Variants in PCSK5 observed in about 807,000 individuals in gnomAD.
PCSK5 encodes the protein proprotein convertase subtilisin/kexin type 5, also known as prohormone convertase 5.
A neutral mutation model predicts 233.2 loss-of-function variants in PCSK5; 129 were observed. The ratio of observed to expected loss-of-function variants is 0.55; its 90% confidence interval spans 0.48 to 0.64. The LOEUF is 0.64. Among genes scored for constraint, PCSK5 ranks in the 30% least tolerant of loss-of-function variants. The probability of loss-of-function intolerance (pLI) is 0.00; values close to 1 mark genes in which losing one functional copy is unlikely to be tolerated. For synonymous variants in PCSK5, 825 were observed against 879.2 expected (o/e 0.94, Z 1.09); for missense variants, 2,076 against 2,430.1 (o/e 0.85, Z 3.06).
intron 2 of PCSK5, among the ~76,000 whole-genome samples, chr9:75,933,458 C>T (rs768600025): frequency 6.6e-6 from 1 of 152,094 alleles, no homozygotes; most frequent in Non-Finnish European, 1.5e-5. Context: ...ATAGATAAGC[C>T]CCTACCAGTG....
chr9:76,134,927 CAA>C (rs1254496737), intron 10 of PCSK5, among the ~76,000 whole-genome samples: 1 of 151,958 alleles, frequency 6.6e-6, no homozygotes, highest in Middle Eastern at 3.2e-3. Flanking sequence ...TATATCTACT[CAA>C]GTTGTAAGTG....
At chr9:76,088,990 A>G (rs762061434) in intron 7 of PCSK5, among the ~76,000 whole-genome samples, 11 of 149,220 alleles carry the variant, frequency 7.4e-5, no homozygotes, top group Non-Finnish European at 1.3e-4. Flanking sequence ...ATTTCTTTCA[A>G]TGAACGCTGT....
chr9:76,108,159 C>T (rs376608592), intron 9 of PCSK5, among the ~76,000 whole-genome samples: 14 of 152,190 alleles, frequency 9.2e-5, no homozygotes, highest in South Asian at 2.1e-4. Flanking sequence ...GCTCAGACCC[C>T]GCTGGAGATT....
At chr9:76,318,525 A>C (rs1004143556) in intron 30 of PCSK5, among the ~76,000 whole-genome samples, 1 of 152,172 alleles carries the variant, frequency 6.6e-6, no homozygotes, top group Non-Finnish European at 1.5e-5. Flanking sequence ...CATCTCCCAA[A>C]TATATTTGAG....
At chr9:76,178,635 T>C (rs1338424288) in intron 14 of PCSK5, among the ~76,000 whole-genome samples, 1 of 152,214 alleles carries the variant, frequency 6.6e-6, no homozygotes, top group Non-Finnish European at 1.5e-5. Context: ...TAACAGTAAG[T>C]CCTTTGGGTT....
chr9:76,193,419 A>AAAAG (rs397785743), intron 20 of PCSK5: 1 of 1,153,758 alleles, frequency 8.7e-7, no homozygotes, highest in Non-Finnish European at 1.1e-6. Flanking sequence ...AAAAGAAAAA[A>AAAAG]GCCAAAAAGA....
chr9:76,194,609 T>A (rs974807518), intron 20 of PCSK5: 1 of 343,030 alleles, frequency 2.9e-6, no homozygotes, highest in East Asian at 8.2e-5. Context: ...TGGGGTTTTT[T>A]TTTTTTAAGA....
At chr9:75,958,380 C>T (rs1016984358) in intron 2 of PCSK5, among the ~76,000 whole-genome samples, 2 of 152,126 alleles carry the variant, frequency 1.3e-5, no homozygotes, top group South Asian at 2.1e-4. Flanking sequence ...GAGAATGAAA[C>T]GAGTTTATTA....
intron 8 of PCSK5, among the ~76,000 whole-genome samples, chr9:76,105,123 G>C (rs1831924487): frequency 6.6e-6 from 1 of 152,234 alleles, no homozygotes; most frequent in Non-Finnish European, 1.5e-5. Flanking sequence ...CAATAGCTGA[G>C]AGGTAGAAGC....
chr9:76,323,155 T>C lies in PCSK5; in HGVS notation c.4206T>C (p.Cys1402=), dbSNP rs1270313128. Residue 1402 remains cysteine (C), a synonymous_variant, in exon 32 of 38, where the codon TGT becomes TGC. Coordinates refer to ENST00000674117, the MANE Select transcript of PCSK5 (RefSeq NM_001372043.1). ...ACTGTGTCCCCTGCCATAAAGACTG[T>C]CTGGAGTGCAGTGGCCCCAAAGCCG... The part of the protein sequence containing the change: ...SRHCVPCHKD[C]LECSGPKADD... 1.2e-6 allele frequency: 2 copies of C among 1,612,416 alleles called. No homozygotes were observed. Among genetic ancestry groups the C allele is most frequent in the African/African-American group, 2.7e-5 (2 of 74,924 alleles).
chr9:75,996,807 T>C (rs939124443), intron 3 of PCSK5, among the ~76,000 whole-genome samples: 2 of 129,162 alleles, frequency 1.5e-5, no homozygotes, highest in Non-Finnish European at 3.3e-5. Context: ...GGTGGTTCTG[T>C]TAACAAAGTT....
At chr9:76,118,877 T>C (rs867030292) in intron 9 of PCSK5, among the ~76,000 whole-genome samples, 1 of 152,106 alleles carries the variant, frequency 6.6e-6, no homozygotes. Context: ...AATATATGCA[T>C]GTTTACTATA....
At chr9:76,333,390 A>G (rs1444031853) in intron 34 of PCSK5, among the ~76,000 whole-genome samples, 1 of 152,212 alleles carries the variant, frequency 6.6e-6, no homozygotes, top group Non-Finnish European at 1.5e-5. Context: ...TTACAAAGGA[A>G]ATAGTTCCAT....
In PCSK5 at chr9:75,932,384, G is replaced by A; in HGVS notation, c.198G>A (p.Gly66=). ...TTCCCACCCTTCCTTTGCAGATAGGGGCCCTGAAGGACTACTACCACTTCT... is the reference window on the plus strand; with the variant it reads ...TTCCCACCCTTCCTTTGCAGATAGGAGCCCTGAAGGACTACTACCACTTCT... ...KYGFINIGQI[G]ALKDYYHFYH... Residue 66 remains glycine, a synonymous_variant, in exon 2 of 38, where the codon GGG becomes GGA. Coordinates refer to ENST00000674117, the MANE Select transcript of PCSK5 (RefSeq NM_001372043.1). 1 of 1,597,154 alleles carries A rather than the reference G, an allele frequency of 6.3e-7. No individual in the cohort carries two copies. Among genetic ancestry groups the A allele is most frequent in the South Asian group, 1.1e-5 (1 of 90,230 alleles).
intron 2 of PCSK5, among the ~76,000 whole-genome samples, chr9:75,948,422 C>T (rs954478382): frequency 6.7e-6 from 1 of 148,448 alleles, no homozygotes; most frequent in Admixed American, 6.9e-5. Flanking sequence ...GGTTTTCTGT[C>T]CTTGTGATAG....
intron 9 of PCSK5, among the ~76,000 whole-genome samples, chr9:76,108,551 G>A (rs561363392): frequency 3.3e-5 from 5 of 152,252 alleles, no homozygotes; most frequent in South Asian, 2.1e-4. Flanking sequence ...TCAAGAGATC[G>A]AGACTATCCT....
intron 2 of PCSK5, among the ~76,000 whole-genome samples, chr9:75,946,291 CTG>C (rs1214649936): frequency 6.6e-6 from 1 of 152,168 alleles, no homozygotes; most frequent in Non-Finnish European, 1.5e-5. Context: ...AGAGAAGACA[CTG>C]TTATAAAATG....
At chr9:76,349,072 C>A (rs111257107) in intron 35 of PCSK5, among the ~76,000 whole-genome samples, 2,582 of 151,412 alleles carry the variant, frequency 0.017, 34 homozygotes, top group Non-Finnish European at 0.022. Context: ...GAGATCGAGA[C>A]CATCCTGGCT....
chr9:76,188,611 A>C lies in PCSK5; in HGVS notation c.2316A>C (p.Glu772Asp). The change falls in exon 18 of 38, where the codon GAA becomes GAC. Residue 772 changes from glutamate to aspartate, a missense_variant. Coordinates refer to ENST00000674117, the MANE Select transcript of PCSK5 (RefSeq NM_001372043.1). ...LQGSRCSVSC[E>D]DGRYFNGQDC... The stretch of plus-strand genomic sequence containing the variant: ...GATCCCGGTGCTCTGTCTCCTGTGA[A>C]GATGGACGGTATTTCAACGGCCAGG... The C allele has an allele frequency of 6.2e-7, 1 of 1,613,770 alleles. No homozygotes were observed. The highest frequency in any genetic ancestry group is 8.5e-7 in the Non-Finnish European group (1 of 1,179,736).
Sources: allele counts gnomAD v4.1 joint callset (sites outside exome capture counted in the v4.1 genomes callset), GRCh38; gene constraint gnomAD v4.1.1; transcripts MANE v1.5; gene names NCBI Gene and HGNC (gene_info 2026-07-23, HGNC 2026-07-21).